Variants in TBC1D1 observed in about 807,000 individuals in gnomAD.
TBC1D1 encodes TBC1 domain family member 1.
In TBC1D1, 89 loss-of-function variants were observed where a neutral mutation model predicts 125.6. The observed-to-expected ratio is 0.71, with a 90% CI of 0.60 to 0.85. The LOEUF is 0.85. TBC1D1 is among the 40% of genes least tolerant of loss of function. TBC1D1 has a pLI of 0.00. For synonymous variants in TBC1D1, 565 were observed against 564.1 expected (o/e 1.00, Z -0.02); for missense variants, 1,377 against 1,469.2 (o/e 0.94, Z 1.03).
Position 37,941,464 on chromosome 4 carries a change from C to A in TBC1D1, c.417+38952C>A, listed in dbSNP as rs182302586. ...GGTCTATCAATTTTATCGATCTTTT[C>A]AAAAAACCAGCTGCTAGATTCATTG... On this transcript the variant is annotated intron_variant, in intron 2 of 19. Coordinates refer to ENST00000261439, the MANE Select transcript of TBC1D1 (RefSeq NM_015173.4). Among the ~76,000 whole-genome samples, 169 of 152,226 alleles carry A rather than the reference C, an allele frequency of 1.1e-3. 1 individual carries two copies. Among genetic ancestry groups the A allele is most frequent in the African/African-American group, 3.8e-3 (157 of 41,538 alleles).
chr4:38,017,463 C>T (rs2152431419), intron 3 of TBC1D1, among the ~76,000 whole-genome samples: 1 of 152,300 alleles, frequency 6.6e-6, no homozygotes, highest in African/African-American at 2.4e-5. Flanking sequence ...AGTAAGTGTG[C>T]AAAAACAATT....
chr4:38,091,429 A>C (rs1218296781), intron 13 of TBC1D1, among the ~76,000 whole-genome samples: 4 of 152,206 alleles, frequency 2.6e-5, no homozygotes, highest in Non-Finnish European at 1.5e-5. Context: ...GTAATTTTAA[A>C]AGCAGATGTC....
At chr4:37,971,618 C>CT (rs1326038144) in intron 2 of TBC1D1, among the ~76,000 whole-genome samples, 2 of 152,156 alleles carry the variant, frequency 1.3e-5, no homozygotes, top group Non-Finnish European at 2.9e-5. Context: ...ATATCAGATA[C>CT]TATCGTGTTT....
chr4:37,983,311 C>T (rs918249425), intron 2 of TBC1D1, among the ~76,000 whole-genome samples: 1 of 151,938 alleles, frequency 6.6e-6, no homozygotes, highest in South Asian at 2.1e-4. Flanking sequence ...GACGGGGTTT[C>T]ACCATGTTGG....
intron 8 of TBC1D1, 85 bp downstream of exon 8, chr4:38,035,783 CT>C (rs1747095655): frequency 1.0e-6 from 1 of 985,020 alleles, no homozygotes; most frequent in African/African-American, 1.7e-5. Flanking sequence ...TTCTGAAACT[CT>C]GATACCTTTT....
chr4:37,960,369 A>T, intron 2 of TBC1D1: 1 of 1,371,880 alleles, frequency 7.3e-7, no homozygotes, highest in Non-Finnish European at 1.0e-6. Flanking sequence ...TTAACATTCT[A>T]TCTAAATATA....
chr4:37,917,087 A>G (rs1169202417), intron 2 of TBC1D1, among the ~76,000 whole-genome samples: 1 of 151,224 alleles, frequency 6.6e-6, no homozygotes, highest in African/African-American at 2.4e-5. Context: ...TATGTTTTGT[A>G]TGTTGCCACA....
intron 2 of TBC1D1, among the ~76,000 whole-genome samples, chr4:37,946,631 A>G (rs1386684633): frequency 6.6e-6 from 1 of 152,170 alleles, no homozygotes; most frequent in Non-Finnish European, 1.5e-5. Context: ...AGGGAAAAGG[A>G]CTGTGGGCAT....
intron 7 of TBC1D1, among the ~76,000 whole-genome samples, chr4:38,030,674 T>C (rs760728985): frequency 5.9e-5 from 9 of 152,236 alleles, no homozygotes; most frequent in South Asian, 2.1e-4. Flanking sequence ...AAAGGTGGCT[T>C]TGCAGTTTCC....
chr4:37,959,871 A>G (rs904387422), intron 2 of TBC1D1, among the ~76,000 whole-genome samples: 4 of 152,094 alleles, frequency 2.6e-5, no homozygotes, highest in African/African-American at 4.8e-5. Context: ...TCTCCCCACC[A>G]CTGCATGCTG....
chr4:38,045,716 C>A (rs889535291), intron 9 of TBC1D1, 101 bp from the exon 10 acceptor site: 5 of 775,206 alleles, frequency 6.4e-6, no homozygotes, highest in Non-Finnish European at 9.1e-6. Context: ...CAGTAGATAA[C>A]ATTTTTTTCC....
At chr4:38,081,009 T>A (rs1229641638) in intron 12 of TBC1D1, among the ~76,000 whole-genome samples, 2 of 152,224 alleles carry the variant, frequency 1.3e-5, no homozygotes, top group East Asian at 3.8e-4. Context: ...TTTGCATAAT[T>A]TAAGAATAAA....
intron 2 of TBC1D1, among the ~76,000 whole-genome samples, chr4:37,903,674 A>G (rs1399816053): frequency 6.6e-6 from 1 of 152,212 alleles, no homozygotes; most frequent in Non-Finnish European, 1.5e-5. Flanking sequence ...CTTGGTATCA[A>G]GTAGATGCCC....
At chr4:38,061,504 A>G (rs1281872611) in intron 12 of TBC1D1, among the ~76,000 whole-genome samples, 1 of 152,186 alleles carries the variant, frequency 6.6e-6, no homozygotes, top group Non-Finnish European at 1.5e-5. Context: ...CTTTTCCTTT[A>G]AGCATTTCAG....
intron 2 of TBC1D1, chr4:37,951,860 C>G (rs3796713): frequency 0.12 from 75,750 of 640,724 alleles, 4,990 homozygotes; most frequent in Admixed American, 0.18. Flanking sequence ...CATTCAGATA[C>G]AATTTTTAGC....
chr4:37,924,063 T>C lies in TBC1D1; in HGVS notation c.417+21551T>C, dbSNP rs112104025. Among the ~76,000 whole-genome samples, 272 of 152,270 alleles carry C rather than the reference T, an allele frequency of 1.8e-3. 2 individuals carry two copies. The highest frequency in any genetic ancestry group is 5.9e-3 in the African/African-American group (247 of 41,556). ...GATCTTTGCAATCTCTAGAATTTGC[T>C]TCAGACCCAGTCGTCTTACTCTCGG... On this transcript the variant is annotated intron_variant, in intron 2 of 19. Coordinates refer to ENST00000261439, the MANE Select transcript of TBC1D1 (RefSeq NM_015173.4).
intron 3 of TBC1D1, among the ~76,000 whole-genome samples, chr4:38,016,043 G>A (rs973429844): frequency 6.6e-6 from 1 of 152,214 alleles, no homozygotes; most frequent in South Asian, 2.1e-4. Flanking sequence ...TTTGACTGCT[G>A]TGCTAACGTC....
intron 18 of TBC1D1, among the ~76,000 whole-genome samples, chr4:38,125,724 G>C (rs556555930): frequency 1.3e-5 from 2 of 152,142 alleles, no homozygotes; most frequent in African/African-American, 4.8e-5. Flanking sequence ...GTTTTACTGG[G>C]AATTACAACT....
At chr4:38,025,388 C>T (rs1744873137) in intron 6 of TBC1D1, among the ~76,000 whole-genome samples, 1 of 152,196 alleles carries the variant, frequency 6.6e-6, no homozygotes, top group Admixed American at 6.5e-5. Flanking sequence ...AGAAACCACC[C>T]AGGAGGGGCT....
Sources: gnomAD v4.1 joint callset for allele counts (sites outside exome capture counted in the v4.1 genomes callset) on GRCh38, gnomAD v4.1.1 for gene constraint, MANE v1.5 for transcripts, NCBI Gene and HGNC (gene_info 2026-07-23, HGNC 2026-07-21) for gene names.